The following DPP6 variants were observed in gnomAD, a reference collection of about 807,000 sequenced individuals.
DPP6 encodes A-type potassium channel modulatory protein DPP6.
Under a neutral mutation model 122.6 loss-of-function variants are expected in DPP6, and 69 were observed. That is an observed-to-expected ratio of 0.56 (90% CI 0.46 to 0.69). The LOEUF is 0.69. DPP6 is among the 30% of genes least tolerant of loss of function. The pLI, the probability that DPP6 is intolerant of heterozygous loss-of-function variation, is 0.00. For synonymous variants in DPP6, 418 were observed against 433.1 expected, an observed-to-expected ratio of 0.97 and a Z score of 0.43; for missense variants, 928 against 1,116.9, an observed-to-expected ratio of 0.83 and a Z score of 2.41.
At chr7:154,579,959 AGAG>A (rs1831941224) in intron 5 of DPP6, among the ~76,000 whole-genome samples, 4 of 151,940 alleles carry the variant, frequency 2.6e-5, no homozygotes, top group Non-Finnish European at 4.4e-5. Flanking sequence ...AGAGCACAGA[AGAG>A]AGAGAGAGAG....
intron 8 of DPP6, among the ~76,000 whole-genome samples, chr7:154,753,430 C>G (rs562590155): frequency 1.1e-4 from 17 of 152,136 alleles, no homozygotes; most frequent in Non-Finnish European, 2.4e-4. Flanking sequence ...GGGGAGCCAT[C>G]ATCCTCCACA....
intron 1 of DPP6, among the ~76,000 whole-genome samples, chr7:154,393,204 T>C (rs1239779345): frequency 1.3e-5 from 2 of 152,146 alleles, no homozygotes; most frequent in Non-Finnish European, 2.9e-5. Context: ...ATGTAGATCA[T>C]TTTTGGACTT....
intron 1 of DPP6, among the ~76,000 whole-genome samples, chr7:154,342,354 G>A (rs1810008197): frequency 6.6e-6 from 1 of 152,200 alleles, no homozygotes; most frequent in African/African-American, 2.4e-5. Context: ...GTGGTCAGGT[G>A]GAGAGACAGA....
At chr7:154,444,744 G>T (rs1378444277) in intron 1 of DPP6, among the ~76,000 whole-genome samples, 1 of 152,220 alleles carries the variant, frequency 6.6e-6, no homozygotes, top group Non-Finnish European at 1.5e-5. Flanking sequence ...CAGGTGAAAT[G>T]AAAAGCTGCT....
At chr7:154,176,531 T>C (rs971420844) in intron 1 of DPP6, among the ~76,000 whole-genome samples, 2 of 152,262 alleles carry the variant, frequency 1.3e-5, no homozygotes, top group Non-Finnish European at 2.9e-5. Flanking sequence ...GGTGAAACTT[T>C]TGTTTCAATG....
chr7:153,861,507 T>C, the DPP6 span, among the ~76,000 whole-genome samples: 1 of 152,148 alleles, frequency 6.6e-6, no homozygotes, highest in Admixed American at 6.5e-5. Flanking sequence ...GAAGGGTAAA[T>C]AGGAGTGGGA....
chr7:154,280,983 TTTTATTTATTTATTTATTTA>T lies in DPP6; in HGVS notation c.244-165207_244-165188del, dbSNP rs146635527. 2.8e-5 allele frequency among the ~76,000 whole-genome samples: 4 copies of T among 143,046 alleles called. No homozygotes were observed. In the East Asian group the frequency reaches 8.2e-4, roughly 29 times the overall value. The allele number at this position is 143,046 out of a possible 152,430, so 93.8% of individuals were successfully genotyped here. A position where few individuals can be genotyped will look rare whatever the true frequency, so the allele number is the denominator to read the frequency against. On this transcript the variant is annotated intron_variant, in intron 1 of 25. Transcript: ENST00000377770. ...AACAAGAACACAATTTTATTTCTTA[TTTTATTTATTTATTTATTTA>T]TTTATTTATTTATTTATTTATTTTT... is the stretch of plus-strand genomic sequence containing the variant.
At position 154,769,779 on chromosome 7, in the gene DPP6, G is replaced by A. The variant is rs1382672278; in HGVS notation, c.1038+208G>A. 7.2e-5 allele frequency among the ~76,000 whole-genome samples: 11 copies of A among 152,080 alleles called. 1 individual carries two copies. Among genetic ancestry groups the A allele is most frequent in the Admixed American group, 5.9e-4 (9 of 15,268 alleles). On this transcript the variant is annotated intron_variant, in intron 9 of 25. Transcript: ENST00000377770. ...GCAGGTTTACTTCTTTTAGGTAACCGAACTAATGTTCATCACCTGACTCAG... is the reference window on the plus strand; with the variant it reads ...GCAGGTTTACTTCTTTTAGGTAACCAAACTAATGTTCATCACCTGACTCAG...
chr7:154,106,464 A>G (rs1174748826), intron 1 of DPP6, among the ~76,000 whole-genome samples: 25 of 130,306 alleles, frequency 1.9e-4, no homozygotes, highest in Non-Finnish European at 3.2e-5. Flanking sequence ...CACAGGACCC[A>G]CTGCTCTGTC....
At chr7:154,519,479 C>T (rs974628818) in intron 3 of DPP6, among the ~76,000 whole-genome samples, 5 of 152,250 alleles carry the variant, frequency 3.3e-5, no homozygotes, top group African/African-American at 1.2e-4. Flanking sequence ...ACCACAGCCA[C>T]TGTGCCATCA....
chr7:154,825,961 G>A (rs909883827), intron 16 of DPP6, among the ~76,000 whole-genome samples: 4 of 152,190 alleles, frequency 2.6e-5, no homozygotes, highest in South Asian at 2.1e-4. Context: ...GTAGCAGATG[G>A]TGGTTCCAGC....
At chr7:154,718,382 G>C (rs1237455825) in intron 7 of DPP6, among the ~76,000 whole-genome samples, 1 of 151,880 alleles carries the variant, frequency 6.6e-6, no homozygotes, top group Non-Finnish European at 1.5e-5. Flanking sequence ...TATAACTTTG[G>C]GTCTTATGGC....
intron 5 of DPP6, 38 bp downstream of exon 5, chr7:154,566,954 T>C: frequency 1.4e-6 from 2 of 1,422,144 alleles, no homozygotes; most frequent in Non-Finnish European, 2.0e-6. Flanking sequence ...AATAATTGTT[T>C]CTTTATTCTA....
chr7:154,110,374 A>G (rs1806484459), intron 1 of DPP6, among the ~76,000 whole-genome samples: 1 of 152,212 alleles, frequency 6.6e-6, no homozygotes, highest in African/African-American at 2.4e-5. Context: ...AGAAAACACT[A>G]TGACTGAATC....
intron 21 of DPP6, chr7:154,883,576 T>A (rs2150681365): frequency 1.6e-5 from 1 of 63,188 alleles, no homozygotes; most frequent in East Asian, 9.1e-4. Flanking sequence ...ACATACATGC[T>A]CACCCATACA....
At chr7:154,630,751 C>T (rs10227652) in intron 5 of DPP6, among the ~76,000 whole-genome samples, 2 of 151,210 alleles carry the variant, frequency 1.3e-5, no homozygotes, top group African/African-American at 2.4e-5. Context: ...ACATGGACAC[C>T]GGGAGGGGAA....
intron 17 of DPP6, chr7:154,865,209 T>C (rs1286207061): frequency 2.6e-5 from 4 of 152,342 alleles, no homozygotes; most frequent in African/African-American, 9.6e-5. Context: ...TCTGTTCTCA[T>C]TGGTAGGGTC....
At chr7:153,940,395 G>A (rs1430122556) in intron 1 of DPP6, among the ~76,000 whole-genome samples, 1 of 152,124 alleles carries the variant, frequency 6.6e-6, no homozygotes, top group East Asian at 1.9e-4. Flanking sequence ...CAAGTGCAGA[G>A]TCACTTGACT....
At chr7:154,247,430 T>G (rs1246019993) in intron 1 of DPP6, among the ~76,000 whole-genome samples, 4 of 152,218 alleles carry the variant, frequency 2.6e-5, no homozygotes, top group African/African-American at 2.4e-5. Flanking sequence ...TAATTTATAA[T>G]GGACAAAAGA....
Sources: gnomAD v4.1 joint callset for allele counts (sites outside exome capture counted in the v4.1 genomes callset) on GRCh38, gnomAD v4.1.1 for gene constraint, MANE v1.5 for transcripts, NCBI Gene and HGNC (gene_info 2026-07-23, HGNC 2026-07-21) for gene names.